The following PPP3CB variants were observed in gnomAD, a reference collection of about 807,000 sequenced individuals.
The protein encoded by PPP3CB is serine/threonine-protein phosphatase 2B catalytic subunit beta isoform.
Under a neutral mutation model 66.4 loss-of-function variants are expected in PPP3CB, and 8 were observed. The ratio of observed to expected loss-of-function variants is 0.12; its 90% CI spans 0.07 to 0.22. The LOEUF is 0.22. Ranked by LOEUF, PPP3CB falls within the 10% of genes least tolerant of loss-of-function variation. The probability of loss-of-function intolerance (pLI) is 1.00; values close to 1 mark genes in which losing one functional copy is unlikely to be tolerated. For missense variants in PPP3CB, 319 were observed against 642.5 expected (o/e 0.50, Z 5.44); for synonymous variants, 208 against 221.2 (o/e 0.94, Z 0.53).
intron 1 of PPP3CB, among the ~76,000 whole-genome samples, chr10:73,490,820 G>T (rs2057060377): frequency 6.6e-6 from 1 of 151,548 alleles, no homozygotes; most frequent in Admixed American, 6.6e-5. Context: ...TGGTACTGAA[G>T]ATTTATTTTA....
chr10:73,468,012 A>T (rs998724635), intron 8 of PPP3CB, among the ~76,000 whole-genome samples: 1 of 152,198 alleles, frequency 6.6e-6, no homozygotes, highest in Admixed American at 6.5e-5. Context: ...CAGTTTTTAG[A>T]GGAAACACAG....
chr10:73,449,927 C>T (rs2056318109), intron 10 of PPP3CB, among the ~76,000 whole-genome samples: 1 of 152,060 alleles, frequency 6.6e-6, no homozygotes, highest in African/African-American at 2.4e-5. Flanking sequence ...TTCAAAATAG[C>T]TGGGACTACA....
chr10:73,478,380 T>A (rs2056824377), intron 3 of PPP3CB, 119 bp downstream of exon 3: 2 of 841,810 alleles, frequency 2.4e-6, no homozygotes, highest in African/African-American at 3.5e-5. Flanking sequence ...TCATAAAAAC[T>A]TCAGAATATG....
chr10:73,439,024 T>A (rs982150959), intron 13 of PPP3CB, among the ~76,000 whole-genome samples: 4 of 152,216 alleles, frequency 2.6e-5, no homozygotes, highest in Non-Finnish European at 4.4e-5. Context: ...AGCAAAAAAG[T>A]ATTTATAATC....
At chr10:73,444,676 G>A (rs1282132869) in intron 12 of PPP3CB, 49 bp downstream of exon 12, 1 of 1,612,206 alleles carries the variant, frequency 6.2e-7, no homozygotes, top group Non-Finnish European at 8.5e-7. Flanking sequence ...AAAAGAGTGA[G>A]GTGTGCCCCA....
At chr10:73,463,153 T>C (rs1345119901) in intron 9 of PPP3CB, among the ~76,000 whole-genome samples, 1 of 152,088 alleles carries the variant, frequency 6.6e-6, no homozygotes, top group Non-Finnish European at 1.5e-5. Context: ...CCCTTAAATA[T>C]GTAATCTTGT....
At chr10:73,467,099 T>C (rs2056628995) in intron 9 of PPP3CB, 1 of 152,142 alleles carries the variant, frequency 6.6e-6, no homozygotes, top group African/African-American at 2.4e-5. Context: ...ACAATCTGAA[T>C]TTCTCTTTAT....
intron 11 of PPP3CB, among the ~76,000 whole-genome samples, chr10:73,445,296 C>T (rs1278129981): frequency 6.6e-6 from 1 of 152,088 alleles, no homozygotes; most frequent in East Asian, 1.9e-4. Context: ...AAAGTATCCC[C>T]TCCTTCTTAT....
chr10:73,486,889 G>C lies in PPP3CB; in HGVS notation c.86-7372C>G, dbSNP rs142220549. Among the ~76,000 whole-genome samples the C allele has an allele frequency of 6.2e-4, 94 of 152,294 alleles. 1 individual carries two copies. The highest frequency in any genetic ancestry group is 2.0e-3 in the African/African-American group (83 of 41,574). On this transcript the variant is annotated intron_variant, in intron 1 of 13. Transcript: ENST00000360663. ...CCTGCTATCTATTAAACTAATCATAGGCTGGGTGCCGTGGCTTAAATCTGT... is the reference window on the plus strand; with the variant it reads ...CCTGCTATCTATTAAACTAATCATACGCTGGGTGCCGTGGCTTAAATCTGT...
At chr10:73,467,126 T>C (rs1447543446) in intron 9 of PPP3CB, 1 of 152,200 alleles carries the variant, frequency 6.6e-6, no homozygotes, top group Admixed American at 6.5e-5. Flanking sequence ...TCTTAAAGTA[T>C]AGAACAGCTA....
chr10:73,438,148 T>G lies in PPP3CB; in HGVS notation c.*94A>C. ...CACAATGGTTTCTTCAGAGAGACTG[T>G]GAAATTTACAGTCAGCTTGGCCGAC... On this transcript the variant is annotated 3_prime_UTR_variant, in exon 14 of 14. Coordinates refer to ENST00000360663, the MANE Select transcript of PPP3CB (RefSeq NM_021132.4). 1.6e-6 allele frequency: 2 copies of G among 1,262,310 alleles called. No homozygotes were observed. The highest frequency in any genetic ancestry group is 2.2e-6 in the Non-Finnish European group (2 of 909,784). 78.2% of individuals were successfully genotyped at this position (1,262,310 alleles called of 1,614,324 possible).
chr10:73,454,548 CAT>C, intron 9 of PPP3CB, 59 bp from the exon 10 acceptor site: 1 of 1,102,384 alleles, frequency 9.1e-7, no homozygotes, highest in South Asian at 1.5e-5. Context: ...TATACATACA[CAT>C]AGCAACTATT....
chr10:73,444,503 G>T (rs2132771995), intron 12 of PPP3CB: 1 of 1,392,160 alleles, frequency 7.2e-7, no homozygotes, highest in South Asian at 1.4e-5. Flanking sequence ...CTGAGGAACT[G>T]ACCATTATTT....
chr10:73,457,764 AGAAAGT>A (rs2056453423), intron 9 of PPP3CB, among the ~76,000 whole-genome samples: 1 of 151,996 alleles, frequency 6.6e-6, no homozygotes, highest in Non-Finnish European at 1.5e-5. Context: ...AAAGAAAGAA[AGAAAGT>A]GAAAGTGGAA....
At chr10:73,471,688 AT>A in intron 4 of PPP3CB, 75 bp from the exon 5 acceptor site, 1 of 1,185,532 alleles carries the variant, frequency 8.4e-7, no homozygotes, top group Non-Finnish European at 1.2e-6. Flanking sequence ...TATATATTAG[AT>A]TTTTATTTCT....
At chr10:73,455,296 C>T (rs987932092) in intron 9 of PPP3CB, among the ~76,000 whole-genome samples, 9 of 152,206 alleles carry the variant, frequency 5.9e-5, no homozygotes, top group Admixed American at 2.0e-4. Context: ...TCCTCTTTGA[C>T]TATTCTGTAT....
chr10:73,472,486 C>T (rs1218320975), intron 4 of PPP3CB, among the ~76,000 whole-genome samples: 1 of 148,030 alleles, frequency 6.8e-6, no homozygotes, highest in South Asian at 2.1e-4. Context: ...CAGAGCAAGA[C>T]TCTGTCTCAA....
At chr10:73,449,356 C>A (rs1387736360) in intron 10 of PPP3CB, among the ~76,000 whole-genome samples, 2 of 150,712 alleles carry the variant, frequency 1.3e-5, no homozygotes, top group African/African-American at 2.5e-5. Flanking sequence ...CCAGTCCAAT[C>A]TGGGAAATTT....
intron 9 of PPP3CB, among the ~76,000 whole-genome samples, chr10:73,457,056 G>T (rs561074931): frequency 2.6e-5 from 4 of 151,678 alleles, no homozygotes; most frequent in African/African-American, 9.7e-5. Context: ...AAGCTGTTAC[G>T]ATGTATACCT....
Sources: gnomAD v4.1 joint callset for allele counts (sites outside exome capture counted in the v4.1 genomes callset) on GRCh38, gnomAD v4.1.1 for gene constraint, MANE v1.5 for transcripts, NCBI Gene and HGNC (gene_info 2026-07-23, HGNC 2026-07-21) for gene names.